Variants in SYNPR observed in about 807,000 individuals in gnomAD.
SYNPR encodes the protein synaptoporin.
Under a neutral mutation model 32.9 loss-of-function variants are expected in SYNPR, and 23 were observed. That is an observed-to-expected ratio of 0.70 (90% CI 0.50 to 0.99). The LOEUF is 0.99. Ranked by LOEUF, SYNPR falls within the 50% of genes least tolerant of loss-of-function variation. The probability of loss-of-function intolerance (pLI) is 0.00; values close to 1 mark genes in which losing one functional copy is unlikely to be tolerated. For missense variants in SYNPR, 318 were observed against 349.3 expected, an observed-to-expected ratio of 0.91 and a Z score of 0.71; for synonymous variants, 146 against 135.9, an observed-to-expected ratio of 1.07 and a Z score of -0.52.
At chr3:63,606,246 A>G (rs1319897443) in intron 4 of SYNPR, among the ~76,000 whole-genome samples, 3 of 152,066 alleles carry the variant, frequency 2.0e-5, no homozygotes, top group African/African-American at 7.2e-5. Flanking sequence ...TAGTTATATT[A>G]CTGATGCCTC....
intron 2 of SYNPR, chr3:63,445,521 A>G (rs1414225687): frequency 2.9e-6 from 2 of 697,622 alleles, no homozygotes; most frequent in East Asian, 2.7e-5. Flanking sequence ...AAATTTCATA[A>G]TCAGCTCCTC....
intron 3 of SYNPR, among the ~76,000 whole-genome samples, chr3:63,502,804 G>T (rs1701507956): frequency 6.6e-6 from 1 of 152,014 alleles, no homozygotes; most frequent in African/African-American, 2.4e-5. Context: ...ATATTCCATT[G>T]GATGTAGCTC....
At position 63,541,621 on chromosome 3, in the gene SYNPR, T is replaced by G. The variant is rs185604495; in HGVS notation, c.210-14922T>G. On this transcript the variant is annotated intron_variant, in intron 3 of 5. Transcript: ENST00000478300. ...TGCGTACTAAATCCTGCTAATATAA[T>G]CCTCTTTTTATAAAATTATTTCCCT... is the stretch of plus-strand genomic sequence containing the variant. Among the ~76,000 whole-genome samples the G allele has an allele frequency of 1.2e-4, 18 of 152,180 alleles. No individual in the cohort carries two copies. In the East Asian group the frequency reaches 3.5e-3, roughly 29 times the overall value.
chr3:63,376,552 A>G (rs896306750), intron 2 of SYNPR, among the ~76,000 whole-genome samples: 2 of 152,084 alleles, frequency 1.3e-5, no homozygotes, highest in African/African-American at 4.8e-5. Flanking sequence ...CTTCTACCCC[A>G]GTGCCTTTGC....
chr3:63,603,076 A>T (rs1700067821), intron 4 of SYNPR, among the ~76,000 whole-genome samples: 1 of 151,962 alleles, frequency 6.6e-6, no homozygotes, highest in South Asian at 2.1e-4. Flanking sequence ...GATTTGCTGT[A>T]TTCCTAAGTA....
At chr3:63,264,926 T>TTG (rs1553862062) in intron 2 of SYNPR, among the ~76,000 whole-genome samples, 23 of 151,186 alleles carry the variant, frequency 1.5e-4, no homozygotes, top group Non-Finnish European at 2.9e-4. Context: ...CTCAGAATCA[T>TTG]GGGGGAGCCA....
chr3:63,228,794 A>G (rs1179218595), intron 1 of SYNPR, among the ~76,000 whole-genome samples: 1 of 152,126 alleles, frequency 6.6e-6, no homozygotes, highest in African/African-American at 2.4e-5. Flanking sequence ...GGCACCACCA[A>G]GAGGCTACTT....
intron 2 of SYNPR, among the ~76,000 whole-genome samples, chr3:63,344,258 T>C (rs192196307): frequency 3.3e-5 from 5 of 152,144 alleles, no homozygotes; most frequent in African/African-American, 1.2e-4. Flanking sequence ...ATACACAGTT[T>C]TCCATTTGAC....
chr3:63,603,274 A>G (rs60181303), intron 4 of SYNPR, among the ~76,000 whole-genome samples: 4,000 of 152,278 alleles, frequency 0.026, 111 homozygotes, highest in South Asian at 0.087. Context: ...CAGGTACAGA[A>G]TCATATCATC....
At chr3:63,600,709 C>A (rs1313055479) in intron 4 of SYNPR, among the ~76,000 whole-genome samples, 15 of 152,178 alleles carry the variant, frequency 9.9e-5, no homozygotes. Context: ...TTTCACTTCT[C>A]CTTCCTACTG....
chr3:63,498,125 A>G (rs545441879), intron 3 of SYNPR, among the ~76,000 whole-genome samples: 11 of 152,204 alleles, frequency 7.2e-5, no homozygotes, highest in Non-Finnish European at 1.2e-4. Context: ...GTGTGTAACC[A>G]GATGAGGATA....
intron 3 of SYNPR, among the ~76,000 whole-genome samples, chr3:63,519,866 A>G (rs1701872417): frequency 6.6e-6 from 1 of 152,230 alleles, no homozygotes; most frequent in African/African-American, 2.4e-5. Flanking sequence ...GAAAACTCTG[A>G]TAACCAAAAA....
chr3:63,247,311 G>C (rs984332430), intron 1 of SYNPR, among the ~76,000 whole-genome samples: 1 of 151,308 alleles, frequency 6.6e-6, no homozygotes, highest in South Asian at 2.1e-4. Flanking sequence ...TTTCCTCTAT[G>C]AACCTTAGGT....
chr3:63,520,408 C>T (rs1701884823), intron 3 of SYNPR, among the ~76,000 whole-genome samples: 1 of 152,162 alleles, frequency 6.6e-6, no homozygotes, highest in Admixed American at 6.5e-5. Flanking sequence ...GGTGCGGTGG[C>T]TCACGCCTGT....
intron 3 of SYNPR, among the ~76,000 whole-genome samples, chr3:63,492,518 C>T (rs1382758314): frequency 6.6e-6 from 1 of 152,198 alleles, no homozygotes; most frequent in Non-Finnish European, 1.5e-5. Context: ...AGGGCTTGCT[C>T]TGAAGCTTGT....
At chr3:63,580,744 T>A (rs986147269) in intron 4 of SYNPR, among the ~76,000 whole-genome samples, 6 of 152,154 alleles carry the variant, frequency 3.9e-5, no homozygotes, top group African/African-American at 1.4e-4. Context: ...TGGGAATTCA[T>A]CCTTGACAAG....
intron 2 of SYNPR, among the ~76,000 whole-genome samples, chr3:63,413,783 A>G (rs1457739732): frequency 2.0e-5 from 3 of 152,288 alleles, no homozygotes; most frequent in Non-Finnish European, 2.9e-5. Flanking sequence ...CTGGAAAGAA[A>G]GATCCCTTAC....
chr3:63,461,129 T>C (rs916715599), intron 2 of SYNPR, among the ~76,000 whole-genome samples: 12 of 152,106 alleles, frequency 7.9e-5, no homozygotes, highest in African/African-American at 2.9e-4. Context: ...GGAAATATCC[T>C]AAAAGGAGCA....
At chr3:63,276,567 A>G (rs911869288), upstream of SYNPR, among the ~76,000 whole-genome samples, 1 of 152,100 alleles carries the variant, frequency 6.6e-6, no homozygotes, top group South Asian at 2.1e-4. Flanking sequence ...CTTCCCCCAT[A>G]AGATCATATA....
Sources: gnomAD v4.1 joint callset for allele counts (sites outside exome capture counted in the v4.1 genomes callset) on GRCh38, gnomAD v4.1.1 for gene constraint, MANE v1.5 for transcripts, NCBI Gene and HGNC (gene_info 2026-07-23, HGNC 2026-07-21) for gene names.